The following EXOC3 variants were observed in gnomAD, a reference collection of about 807,000 sequenced individuals.
EXOC3 encodes the protein SEC6-like 1.
EXOC3 carries 21 observed loss-of-function variants against 73.7 expected under a neutral mutation model. The ratio of observed to expected loss-of-function variants is 0.29; its 90% confidence interval spans 0.20 to 0.41. The LOEUF is 0.41. Ranked by LOEUF, EXOC3 falls within the 10% of genes least tolerant of loss-of-function variation. The probability of loss-of-function intolerance (pLI) is 1.00; values close to 1 mark genes in which losing one functional copy is unlikely to be tolerated. For missense variants in EXOC3, 842 were observed against 985.1 expected, an observed-to-expected ratio of 0.85 and a Z score of 1.95; for synonymous variants, 410 against 389.1, an observed-to-expected ratio of 1.05 and a Z score of -0.63.
In EXOC3 at chr5:459,202, CTT is replaced by C. The variant is rs200458325; in HGVS notation, c.1291-155_1291-154del. On this transcript the variant is annotated intron_variant, in intron 6 of 12. Coordinates refer to ENST00000512944, the MANE Select transcript of EXOC3 (RefSeq NM_007277.5). The stretch of plus-strand genomic sequence containing the variant: ...GTTGTTTTTTTTTTTTTTAAACTAA[CTT>C]TGTTATTTTTCACGTGGTTTCATTT... Among the ~76,000 whole-genome samples, 86 of 141,828 alleles carry C rather than the reference CTT, an allele frequency of 6.1e-4. 1 individual carries two copies. In the East Asian group the frequency reaches 0.015, roughly 24 times the overall value. 93.0% of individuals were successfully genotyped at this position (141,828 alleles called of 152,430 possible).
Position 446,277 on chromosome 5 carries a change from C to T in EXOC3, c.72C>T (p.Asp24=), listed in dbSNP as rs1266973900. 8 of 1,613,790 alleles carry T rather than the reference C, an allele frequency of 5.0e-6. No homozygotes were observed. Among genetic ancestry groups the T allele is most frequent in the Non-Finnish European group, 6.8e-6 (8 of 1,179,816 alleles). Residue 24 remains aspartate, a synonymous_variant, in exon 2 of 13, where the codon GAC becomes GAT. Transcript: ENST00000512944. ...TTGCTGGGATGCTCCAGCGCCCGGACCAGCTGGACAAGGTGGAGCAGTATC... is the reference window on the plus strand; with the variant it reads ...TTGCTGGGATGCTCCAGCGCCCGGATCAGCTGGACAAGGTGGAGCAGTATC... ...QRVAGMLQRP[D]QLDKVEQYRR...
intron 1 of EXOC3, 24 bp from the exon 2 acceptor site, chr5:446,126 C>G (rs1238551326): frequency 6.4e-7 from 1 of 1,554,914 alleles, no homozygotes; most frequent in South Asian, 1.1e-5. Flanking sequence ...CCTAACATTT[C>G]TACCGTCCTA....
At chr5:452,914 G>T (rs902447043) in intron 3 of EXOC3, among the ~76,000 whole-genome samples, 1 of 152,254 alleles carries the variant, frequency 6.6e-6, no homozygotes, top group Non-Finnish European at 1.5e-5. Context: ...GAGCTCTGTG[G>T]GGGTGAGGAG....
intron 6 of EXOC3, among the ~76,000 whole-genome samples, chr5:458,447 A>C (rs975882159): frequency 1.3e-5 from 2 of 152,230 alleles, no homozygotes; most frequent in East Asian, 3.8e-4. Flanking sequence ...TCTGTTGCCC[A>C]GGCTGGAGTG....
Position 462,304 on chromosome 5 carries a change from G to A in EXOC3, c.1650G>A (p.Leu550=). The change falls in exon 9 of 13, where the codon CTG becomes CTA. Residue 550 remains leucine (L), a synonymous_variant. Coordinates refer to ENST00000512944, the MANE Select transcript of EXOC3 (RefSeq NM_007277.5). The part of the protein sequence containing the change: ...SGLLEEVFLD[L]EQHLNELMTK... ...TGCTGGAGGAGGTCTTCCTGGACCT[G>A]GAGGTGGGCCTGGCTCTTTCCTCCT... The A allele has an allele frequency of 6.2e-7, 1 of 1,613,898 alleles. No homozygotes were observed. Among genetic ancestry groups the A allele is most frequent in the Non-Finnish European group, 8.5e-7 (1 of 1,179,884 alleles).
chr5:448,763 C>T (rs1243444959), intron 3 of EXOC3, among the ~76,000 whole-genome samples: 2 of 152,224 alleles, frequency 1.3e-5, no homozygotes, highest in East Asian at 1.9e-4. Flanking sequence ...GCCCTCCTCT[C>T]GTGCTTGCGG....
At chr5:459,521 A>C (rs548392700) in intron 7 of EXOC3, 62 bp downstream of exon 7, 1 of 902,930 alleles carries the variant, frequency 1.1e-6, no homozygotes, top group South Asian at 1.7e-5. Flanking sequence ...TAGAAGCAAA[A>C]ATTTTTTGAT....
intron 3 of EXOC3, among the ~76,000 whole-genome samples, chr5:450,357 C>T (rs910574366): frequency 2.8e-4 from 43 of 152,134 alleles, no homozygotes; most frequent in Admixed American, 2.0e-4. Flanking sequence ...TACAGTTTTC[C>T]TTCTGATACT....
chr5:459,142 G>A (rs542864107), intron 6 of EXOC3, among the ~76,000 whole-genome samples: 101 of 151,620 alleles, frequency 6.7e-4, no homozygotes, highest in African/African-American at 2.4e-3. Context: ...CAGGAATTAA[G>A]AAATGAGTCA....
In EXOC3 at chr5:443,261, G is replaced by T; in HGVS notation, c.-86G>T. The T allele has an allele frequency of 2.3e-5, 1 of 42,900 alleles. No homozygotes were observed. The highest frequency in any genetic ancestry group is 5.4e-5 in the Non-Finnish European group (1 of 18,406). 2.7% of individuals were successfully genotyped at this position (42,900 alleles called of 1,614,324 possible). Reference sequence around the variant, plus strand: ...GGCGGCGGCGGCGGCGGCGGCGGCGGCGGCGGCGGCGGCGGCGTAGCCGTA... The same window carrying T: ...GGCGGCGGCGGCGGCGGCGGCGGCGTCGGCGGCGGCGGCGGCGTAGCCGTA... On this transcript the variant is annotated 5_prime_UTR_variant, in exon 1 of 13. Transcript: ENST00000512944.
At chr5:445,131 G>A (rs1301543676) in intron 1 of EXOC3, 2 of 152,136 alleles carry the variant, frequency 1.3e-5, no homozygotes, top group Non-Finnish European at 2.9e-5. Flanking sequence ...CAGGTGTATC[G>A]GATTCCCTCA....
At chr5:451,311 G>A (rs926471911) in intron 3 of EXOC3, among the ~76,000 whole-genome samples, 3 of 152,062 alleles carry the variant, frequency 2.0e-5, no homozygotes, top group Non-Finnish European at 2.9e-5. Context: ...CACAAAAACC[G>A]TCCCTATATG....
At position 466,767 on chromosome 5, in the gene EXOC3, G is replaced by A; in HGVS notation, c.2107G>A (p.Ala703Thr). ...TGCGCTGCTGGCTGTGCGTGGGGAC[G>A]CCAGCCGTGACATGAAGCAGACCAT... Reference protein sequence around the residue: ...IGALLAVRGDASRDMKQTIME... With the variant: ...IGALLAVRGDTSRDMKQTIME... Residue 703 changes from alanine to threonine, a missense_variant, in exon 13 of 13, where the codon GCC becomes ACC. Ala to Thr is a moderately conservative substitution (Grantham distance 58, BLOSUM62 0). Coordinates refer to ENST00000512944, the MANE Select transcript of EXOC3 (RefSeq NM_007277.5). The A allele has an allele frequency of 6.8e-6, 11 of 1,612,794 alleles. No individual in the cohort carries two copies. The Middle Eastern group carries it at 5.0e-4, about 73-fold the overall frequency.
At chr5:461,357 G>T (rs1481903378) in intron 7 of EXOC3, among the ~76,000 whole-genome samples, 1 of 152,172 alleles carries the variant, frequency 6.6e-6, no homozygotes, top group Non-Finnish European at 1.5e-5. Flanking sequence ...GCTTACGCCT[G>T]TAATCCCAGC....
intron 1 of EXOC3, chr5:445,130 C>T (rs923527824): frequency 8.5e-5 from 13 of 152,142 alleles, no homozygotes; most frequent in East Asian, 5.8e-4. Flanking sequence ...ACAGGTGTAT[C>T]GGATTCCCTC....
In EXOC3 at chr5:450,009, G is replaced by C. The variant is rs191372529; in HGVS notation, c.364+2257G>C. Reference sequence around the variant, plus strand: ...GCCCGTCATCCCAGCACTTTGGAAGGCTGAGGCAGGCGGATCACCTGAGGT... The same window carrying C: ...GCCCGTCATCCCAGCACTTTGGAAGCCTGAGGCAGGCGGATCACCTGAGGT... On this transcript the variant is annotated intron_variant, in intron 3 of 12. Coordinates refer to ENST00000512944, the MANE Select transcript of EXOC3 (RefSeq NM_007277.5). Among the ~76,000 whole-genome samples the C allele has an allele frequency of 1.1e-3, 168 of 152,352 alleles. 2 individuals carry two copies. The East Asian group carries it at 0.024, about 22-fold the overall frequency.
chr5:460,317 GCCT>G (rs1196676826), intron 7 of EXOC3, among the ~76,000 whole-genome samples: 1 of 151,304 alleles, frequency 6.6e-6, no homozygotes, highest in Non-Finnish European at 1.5e-5. Context: ...ATGTCCCTCA[GCCT>G]CCTCCTCAGT....
At chr5:443,523 T>A (rs970945910) in intron 1 of EXOC3, among the ~76,000 whole-genome samples, 1 of 150,672 alleles carries the variant, frequency 6.6e-6, no homozygotes, top group African/African-American at 2.4e-5. Context: ...AGGTGTCCCC[T>A]TGGCACATGT....
chr5:459,614 G>A (rs1737923675), intron 7 of EXOC3, 155 bp downstream of exon 7: 1 of 509,962 alleles, frequency 2.0e-6, no homozygotes. Context: ...GCAAAGGGAG[G>A]GAGCGGAGCT....
Sources: allele counts gnomAD v4.1 joint callset (sites outside exome capture counted in the v4.1 genomes callset), GRCh38; gene constraint gnomAD v4.1.1; transcripts MANE v1.5; gene names NCBI Gene and HGNC (gene_info 2026-07-23, HGNC 2026-07-21).